Variants in C3orf20 observed in about 807,000 individuals in gnomAD.
C3orf20 encodes family with sequence similarity 149 member C.
In C3orf20, 76 loss-of-function variants were observed where a neutral mutation model predicts 88.3. The ratio of observed to expected loss-of-function variants is 0.86; its 90% CI spans 0.72 to 1.04. The LOEUF is 1.04. C3orf20 is among the 50% of genes least tolerant of loss of function. The pLI is 0.00. For missense variants in C3orf20, 1,056 were observed against 1,123.3 expected (o/e 0.94, Z 0.86); for synonymous variants, 436 against 437.4 (o/e 1.00, Z 0.04).
chr3:14,704,364 G>A lies in C3orf20; in HGVS notation c.906G>A (p.Gly302=). The change falls in exon 7 of 17, where the codon GGG becomes GGA. Residue 302 remains glycine (G), a synonymous_variant. Transcript: ENST00000253697. ...HIEAERATWK[G]RNISYPMILR... ...AAGCTGAAAGGGCCACATGGAAAGG[G>A]AGGAATATCTCCTACCCCATGATCT... 6.2e-7 allele frequency: 1 copy of A among 1,614,062 alleles called. No homozygotes were observed. Among genetic ancestry groups the A allele is most frequent in the Non-Finnish European group, 8.5e-7 (1 of 1,180,006 alleles).
chr3:14,728,990 A>G (rs530950313), intron 12 of C3orf20, among the ~76,000 whole-genome samples: 15 of 152,162 alleles, frequency 9.9e-5, no homozygotes, highest in East Asian at 7.7e-4. Flanking sequence ...TTGAAGGGAG[A>G]AAAAAATGAG....
At chr3:14,751,438 C>G (rs976871870) in intron 12 of C3orf20, among the ~76,000 whole-genome samples, 2 of 152,174 alleles carry the variant, frequency 1.3e-5, no homozygotes, top group African/African-American at 4.8e-5. Flanking sequence ...CCAGGAAGCA[C>G]AAGGCGTCAA....
Position 14,769,941 on chromosome 3 carries a change from A to AAT in C3orf20, c.2496-2126_2496-2125insAT, listed in dbSNP as rs1553618767. Among the ~76,000 whole-genome samples the AAT allele has an allele frequency of 4.8e-3, 735 of 152,244 alleles. 5 individuals carry two copies. Among genetic ancestry groups the AAT allele is most frequent in the African/African-American group, 0.016 (680 of 41,504 alleles). On this transcript the variant is annotated intron_variant, in intron 15 of 16. Coordinates refer to ENST00000253697, the MANE Select transcript of C3orf20 (RefSeq NM_032137.5). ...GGTGCTCTGGGAATGAATGAAAGAA[A>AAT]GAATGAAATGTCCAGGTGAGGGGGA...
chr3:14,707,968 C>T (rs914017535), intron 7 of C3orf20, among the ~76,000 whole-genome samples: 3 of 151,908 alleles, frequency 2.0e-5, no homozygotes, highest in African/African-American at 4.8e-5. Context: ...TACAGGTATG[C>T]ACCACCACGC....
intron 1 of C3orf20, among the ~76,000 whole-genome samples, chr3:14,677,323 T>A (rs1339613195): frequency 6.6e-6 from 1 of 152,110 alleles, no homozygotes; most frequent in Admixed American, 6.5e-5. Context: ...CTATGCTTAT[T>A]TCCCCTCAGC....
chr3:14,694,931 C>T (rs2032923784), intron 5 of C3orf20, among the ~76,000 whole-genome samples: 2 of 152,110 alleles, frequency 1.3e-5, no homozygotes, highest in African/African-American at 4.8e-5. Context: ...GCTGGGATTA[C>T]AGACATGCAC....
chr3:14,755,037 T>A (rs1413563399), intron 12 of C3orf20, among the ~76,000 whole-genome samples: 1 of 152,216 alleles, frequency 6.6e-6, no homozygotes. Context: ...CCCTCCTTTA[T>A]AATTTTTAAA....
At chr3:14,694,892 G>A (rs1331969594) in intron 5 of C3orf20, among the ~76,000 whole-genome samples, 1 of 152,056 alleles carries the variant, frequency 6.6e-6, no homozygotes, top group Non-Finnish European at 1.5e-5. Context: ...CCGAGTTCAA[G>A]CAATTCTCCT....
Position 14,684,375 on chromosome 3 carries a change from G to A in C3orf20, c.618G>A (p.Leu206=). ...GAAGTGGCTACAGCAGCGGACAGTT[G>A]TGGAAAGGTGGGTACCTGAGCTTCA... is the stretch of plus-strand genomic sequence containing the variant. The part of the protein sequence containing the change: ...AGRSGYSSGQ[L]WKESLANMSA... Residue 206 remains leucine (L), a synonymous_variant, in exon 4 of 17, where the codon TTG becomes TTA. Transcript: ENST00000253697. 6.2e-7 allele frequency: 1 copy of A among 1,613,998 alleles called. No individual in the cohort carries two copies. The highest frequency in any genetic ancestry group is 1.7e-4 in the Middle Eastern group (1 of 6,058).
intron 1 of C3orf20, among the ~76,000 whole-genome samples, chr3:14,677,321 A>G (rs1306089094): frequency 6.6e-6 from 1 of 151,822 alleles, no homozygotes; most frequent in African/African-American, 2.4e-5. Flanking sequence ...ATCTATGCTT[A>G]TTTCCCCTCA....
chr3:14,762,295 C>T (rs1425784510), intron 15 of C3orf20, among the ~76,000 whole-genome samples: 4 of 152,224 alleles, frequency 2.6e-5, no homozygotes, highest in Admixed American at 2.0e-4. Context: ...GGCTTTTCAA[C>T]CAGGTGATGC....
intron 15 of C3orf20, chr3:14,767,481 C>T (rs1309149340): frequency 6.6e-6 from 1 of 152,260 alleles, no homozygotes; most frequent in Non-Finnish European, 1.5e-5. Flanking sequence ...AGTCCCCTCC[C>T]TGTGGGATGG....
intron 12 of C3orf20, among the ~76,000 whole-genome samples, chr3:14,748,864 T>C (rs367816945): frequency 1.2e-3 from 176 of 152,294 alleles, no homozygotes; most frequent in African/African-American, 4.1e-3. Flanking sequence ...TGTTTTGTGG[T>C]CTCATATATA....
intron 4 of C3orf20, among the ~76,000 whole-genome samples, chr3:14,686,050 C>T (rs761374836): frequency 1.3e-5 from 2 of 151,982 alleles, no homozygotes; most frequent in African/African-American, 4.8e-5. Context: ...TTAGTAGAGA[C>T]GGGGTTTCAC....
chr3:14,693,471 C>G (rs192230397), intron 5 of C3orf20, among the ~76,000 whole-genome samples: 1 of 152,076 alleles, frequency 6.6e-6, no homozygotes, highest in East Asian at 1.9e-4. Context: ...AATGGAATTA[C>G]TTTCTTAGTT....
intron 5 of C3orf20, among the ~76,000 whole-genome samples, 187 bp downstream of exon 5, chr3:14,690,303 C>T (rs190393325): frequency 6.6e-6 from 1 of 152,304 alleles, no homozygotes; most frequent in East Asian, 1.9e-4. Flanking sequence ...AAGGTTGTCA[C>T]AGTCCAGCCC....
In C3orf20 at chr3:14,770,970, C is replaced by T. The variant is rs371462170; in HGVS notation, c.2496-1097C>T. ...GTGGCACAGAGGTAAGGAATAGCCACGTTTGTGTTGGCTGGAGCTGCTGTA... is the reference window on the plus strand; with the variant it reads ...GTGGCACAGAGGTAAGGAATAGCCATGTTTGTGTTGGCTGGAGCTGCTGTA... On this transcript the variant is annotated intron_variant, in intron 15 of 16. Coordinates refer to ENST00000253697, the MANE Select transcript of C3orf20 (RefSeq NM_032137.5). Among the ~76,000 whole-genome samples, 136 of 152,290 alleles carry T rather than the reference C, an allele frequency of 8.9e-4. 2 individuals are homozygous for T. Among genetic ancestry groups the T allele is most frequent in the South Asian group, 2.7e-3 (13 of 4,824 alleles).
intron 11 of C3orf20, 47 bp downstream of exon 11, chr3:14,727,071 A>G: frequency 1.2e-6 from 2 of 1,609,494 alleles, no homozygotes; most frequent in Non-Finnish European, 1.7e-6. Flanking sequence ...TGGCTTCCCC[A>G]GTCCTGAGAT....
At chr3:14,684,110 C>T (rs2032264695) in intron 3 of C3orf20, 132 bp from the exon 4 acceptor site, 3 of 1,234,142 alleles carry the variant, frequency 2.4e-6, no homozygotes, top group South Asian at 2.9e-5. Context: ...ACAGTAGCCC[C>T]CTCACCCCTG....
Sources: gnomAD v4.1 joint callset for allele counts (sites outside exome capture counted in the v4.1 genomes callset) on GRCh38, gnomAD v4.1.1 for gene constraint, MANE v1.5 for transcripts, NCBI Gene and HGNC (gene_info 2026-07-23, HGNC 2026-07-21) for gene names.